The following ZBTB40 variants were observed in gnomAD, a reference collection of about 807,000 sequenced individuals.
ZBTB40 encodes zinc finger and BTB domain containing 40.
ZBTB40 carries 60 observed loss-of-function variants against 117.5 expected under a neutral mutation model. That is an observed-to-expected ratio of 0.51 (90% CI 0.41 to 0.63). ZBTB40 has a LOEUF of 0.63. Ranked by LOEUF, ZBTB40 falls within the 30% of genes least tolerant of loss-of-function variation. The pLI is 0.00. For synonymous variants in ZBTB40, 525 were observed against 577.1 expected, an observed-to-expected ratio of 0.91 and a Z score of 1.29; for missense variants, 1,287 against 1,498.5, an observed-to-expected ratio of 0.86 and a Z score of 2.33.
Position 22,520,256 on chromosome 1 carries a change from T to A in ZBTB40, c.3029T>A (p.Ile1010Asn). 1 of 1,612,344 alleles carries A rather than the reference T, an allele frequency of 6.2e-7. No homozygotes were observed. The highest frequency in any genetic ancestry group is 8.5e-7 in the Non-Finnish European group (1 of 1,179,994). Reference protein sequence around the residue: ...HVGGKPFSCGICNKAYQQLSG... With the variant: ...HVGGKPFSCGNCNKAYQQLSG... ...GGAGGGAAGCCCTTCAGCTGCGGGA[T>A]CTGCAACAAGGCCTACCAGGTGACC... Residue 1010 changes from isoleucine (I) to asparagine (N), a missense_variant, in exon 14 of 18, where the codon ATC (isoleucine) becomes AAC (asparagine). Physicochemically the swap from Ile to Asn is moderately radical, Grantham distance 149. Around this residue, in one of 2 missense-constraint regions of ZBTB40, gnomAD observed 417 missense variants for 564.1 expected, o/e 0.74. Coordinates refer to ENST00000375647, the MANE Select transcript of ZBTB40 (RefSeq NM_014870.4).
rs749556100 is a variant in ZBTB40 at position 22,501,635 on chromosome 1, A to G, written c.975A>G (p.Thr325=). The stretch of plus-strand genomic sequence containing the variant: ...AATATTCTAATCCTGCAGTAAAAAC[A>G]GCACTATTAGACAGGAAGCCAGAAG... ...LYQYSNPAVK[T]ALLDRKPEDV... Residue 325 remains threonine (T), a synonymous_variant, in exon 4 of 18, where the codon ACA becomes ACG. Transcript: ENST00000375647. 41 of 1,614,060 alleles carry G rather than the reference A, an allele frequency of 2.5e-5. No individual in the cohort carries two copies. Among genetic ancestry groups the G allele is most frequent in the Non-Finnish European group, 3.4e-5 (40 of 1,180,018 alleles).
chr1:22,486,358 G>GT (rs1329608750), intron 1 of ZBTB40, among the ~76,000 whole-genome samples: 1 of 152,112 alleles, frequency 6.6e-6, no homozygotes, highest in African/African-American at 2.4e-5. Context: ...TTGGGTATTT[G>GT]TTTTTTTCCA....
chr1:22,524,228 A>G lies in ZBTB40; in HGVS notation c.3309A>G (p.Pro1103=), dbSNP rs1177287515. The G allele has an allele frequency of 3.7e-6, 6 of 1,613,978 alleles. No homozygotes were observed. The African/African-American group carries it at 8.0e-5, about 22-fold the overall frequency. ...HVKCQHSGSQ[P]FRCLYCAATF... Reference sequence around the variant, plus strand: ...CTCCCTCTCCTCCAGGGTCCCAGCCATTCCGGTGCTTGTACTGTGCTGCTA... The same window carrying G: ...CTCCCTCTCCTCCAGGGTCCCAGCCGTTCCGGTGCTTGTACTGTGCTGCTA... Residue 1103 remains proline, a synonymous_variant, in exon 17 of 18, where the codon CCA becomes CCG. Coordinates refer to ENST00000375647, the MANE Select transcript of ZBTB40 (RefSeq NM_014870.4).
At position 22,527,675 on chromosome 1, in the gene ZBTB40, T is replaced by C. The variant is rs1001382994; in HGVS notation, c.*1279T>C. On this transcript the variant is annotated 3_prime_UTR_variant, in exon 18 of 18. Transcript: ENST00000375647. ...ACCCCCTGTGGAGGGGAGTGCCTGG[T>C]TGGATCCCACACTGGCAGAGATGGG... 1.3e-5 allele frequency: 2 copies of C among 152,390 alleles called. No individual in the cohort carries two copies. Among genetic ancestry groups the C allele is most frequent in the African/African-American group, 4.8e-5 (2 of 41,470 alleles). 9.4% of individuals were successfully genotyped at this position (152,390 alleles called of 1,614,324 possible).
chr1:22,496,865 C>G (rs1638789666), intron 3 of ZBTB40, among the ~76,000 whole-genome samples: 1 of 152,204 alleles, frequency 6.6e-6, no homozygotes, highest in Non-Finnish European at 1.5e-5. Context: ...TAAAGTCCCA[C>G]GATAGGCCGT....
chr1:22,454,043 G>A (rs1237471792), intron 1 of ZBTB40, among the ~76,000 whole-genome samples: 6 of 152,106 alleles, frequency 3.9e-5, no homozygotes, highest in African/African-American at 1.4e-4. Flanking sequence ...TCCGCCTCCC[G>A]GGTTCAAGTG....
chr1:22,520,859 G>A (rs189669103), intron 14 of ZBTB40, among the ~76,000 whole-genome samples: 16 of 152,376 alleles, frequency 1.1e-4, no homozygotes, highest in African/African-American at 3.8e-4. Flanking sequence ...CTTTAGCTCA[G>A]CAAAAACTGA....
chr1:22,467,901 C>G (rs1438813029), intron 1 of ZBTB40, among the ~76,000 whole-genome samples: 1 of 151,400 alleles, frequency 6.6e-6, no homozygotes, highest in Non-Finnish European at 1.5e-5. Context: ...CGCGAGCAGC[C>G]TGGGCAACAT....
At chr1:22,499,430 T>A (rs946909570) in intron 3 of ZBTB40, among the ~76,000 whole-genome samples, 1 of 152,178 alleles carries the variant, frequency 6.6e-6, no homozygotes, top group Non-Finnish European at 1.5e-5. Context: ...TAGGGTCCAT[T>A]TTAGATGCTG....
At position 22,457,557 on chromosome 1, in the gene ZBTB40, G is replaced by A. The variant is rs34854830; in HGVS notation, c.-70+5553G>A. ...GACCTCTGCTGCAGGCACTAGCGTG[G>A]TTCTGGAACAGGACCAAACAGTAGA... On this transcript the variant is annotated intron_variant, in intron 1 of 17. Transcript: ENST00000375647. Among the ~76,000 whole-genome samples the A allele has an allele frequency of 5.3e-3, 804 of 152,320 alleles. 2 individuals are homozygous for A. The highest frequency in any genetic ancestry group is 9.4e-3 in the Non-Finnish European group (640 of 68,032).
At chr1:22,498,190 A>G (rs1638829448) in intron 3 of ZBTB40, among the ~76,000 whole-genome samples, 1 of 152,226 alleles carries the variant, frequency 6.6e-6, no homozygotes, top group Non-Finnish European at 1.5e-5. Context: ...AATTTATTGA[A>G]GTACCTTTAC....
chr1:22,509,185 C>T lies in ZBTB40; in HGVS notation c.1785C>T (p.Tyr595=). 1.2e-6 allele frequency: 2 copies of T among 1,614,096 alleles called. No homozygotes were observed. The highest frequency in any genetic ancestry group is 1.1e-5 in the South Asian group (1 of 91,076). ...AGGCCATCCAACAGAAGATTGAGTACAAGCTCTTTACCTCGGAGGAGGAGC... is the reference window on the plus strand; with the variant it reads ...AGGCCATCCAACAGAAGATTGAGTATAAGCTCTTTACCTCGGAGGAGGAGC... ...ILEAIQQKIE[Y]KLFTSEEEHL... Residue 595 remains tyrosine, a synonymous_variant, in exon 9 of 18, where the codon TAC becomes TAT. Coordinates refer to ENST00000375647, the MANE Select transcript of ZBTB40 (RefSeq NM_014870.4).
chr1:22,471,904 G>T (rs959635921), intron 1 of ZBTB40, among the ~76,000 whole-genome samples: 1 of 152,220 alleles, frequency 6.6e-6, no homozygotes, highest in African/African-American at 2.4e-5. Flanking sequence ...CCGGCGAGGG[G>T]CTGTGGGAAG....
Position 22,456,617 on chromosome 1 carries a change from G to A in ZBTB40, c.-70+4613G>A, listed in dbSNP as rs139753748. Among the ~76,000 whole-genome samples the A allele has an allele frequency of 2.8e-3, 428 of 152,284 alleles. 4 individuals carry two copies. Among genetic ancestry groups the A allele is most frequent in the Middle Eastern group, 0.01 (3 of 294 alleles). ...TGTAACATCACCTAACTGAAGGCGCGATGAGAATCTCCCCTGAAACCAGGT... is the reference window on the plus strand; with the variant it reads ...TGTAACATCACCTAACTGAAGGCGCAATGAGAATCTCCCCTGAAACCAGGT... On this transcript the variant is annotated intron_variant, in intron 1 of 17. Coordinates refer to ENST00000375647, the MANE Select transcript of ZBTB40 (RefSeq NM_014870.4).
At chr1:22,501,386 G>A (rs1638931027) in intron 3 of ZBTB40, 106 bp from the exon 4 acceptor site, 1 of 1,248,818 alleles carries the variant, frequency 8.0e-7, no homozygotes, top group Non-Finnish European at 1.2e-6. Flanking sequence ...AGCTTCAGGA[G>A]AAGCTGGCGG....
intron 1 of ZBTB40, among the ~76,000 whole-genome samples, chr1:22,466,545 T>G (rs2124397273): frequency 6.6e-6 from 1 of 152,270 alleles, no homozygotes; most frequent in Non-Finnish European, 1.5e-5. Context: ...TCAGCAACAC[T>G]TGTATTTTCT....
chr1:22,495,026 A>G (rs568114467), intron 3 of ZBTB40, among the ~76,000 whole-genome samples: 43 of 152,304 alleles, frequency 2.8e-4, no homozygotes, highest in African/African-American at 9.4e-4. Context: ...TTTGAGTGGT[A>G]TCCTGTGATT....
chr1:22,489,244 G>T (rs1638556753), intron 1 of ZBTB40, among the ~76,000 whole-genome samples: 1 of 152,152 alleles, frequency 6.6e-6, no homozygotes, highest in Admixed American at 6.5e-5. Context: ...TCAGAAGAGA[G>T]GGAAGGTAAG....
At chr1:22,452,479 G>C (rs531953201) in intron 1 of ZBTB40, among the ~76,000 whole-genome samples, 43 of 152,338 alleles carry the variant, frequency 2.8e-4, no homozygotes, top group Non-Finnish European at 5.3e-4. Flanking sequence ...ATTTGCGAAA[G>C]TTCTATGAAA....
Sources: gnomAD v4.1 joint callset for allele counts (sites outside exome capture counted in the v4.1 genomes callset) on GRCh38, gnomAD v4.1.1 for gene constraint, gnomAD v4.1.1 regional missense constraint, MANE v1.5 for transcripts, NCBI Gene and HGNC (gene_info 2026-07-23, HGNC 2026-07-21) for gene names.